Variants in DDX41 observed in about 807,000 individuals in gnomAD.
DDX41 encodes the protein probable ATP-dependent RNA helicase DDX41.
In DDX41, 50 loss-of-function variants were observed where a neutral mutation model predicts 78.8. That is an observed-to-expected ratio of 0.63 (90% CI 0.51 to 0.80). DDX41 has a LOEUF of 0.80. Ranked by LOEUF, DDX41 falls within the 30% of genes least tolerant of loss-of-function variation. The pLI is 0.00. For missense variants in DDX41, 633 were observed against 849.2 expected (o/e 0.75, Z 3.16); for synonymous variants, 381 against 321.5 (o/e 1.19, Z -1.98).
chr5:177,514,301 A>G lies in DDX41; in HGVS notation c.935+400T>C, dbSNP rs1423838566. The G allele has an allele frequency of 2.1e-5, 10 of 484,008 alleles. No homozygotes were observed. Among genetic ancestry groups the G allele is most frequent in the Admixed American group, 1.9e-4 (8 of 41,344 alleles). The allele number at this position is 484,008 out of a possible 1,614,324, so 30.0% of individuals were successfully genotyped here. A position where few individuals can be genotyped will look rare whatever the true frequency, so the allele number is the denominator to read the frequency against. On this transcript the variant is annotated intron_variant, in intron 9 of 16. Coordinates refer to ENST00000330503, the MANE Select transcript of DDX41 (RefSeq NM_016222.4). The surrounding 1 kb of genome is among the most constrained non-coding windows in gnomAD (Gnocchi z 4.2). Reference sequence around the variant, plus strand: ...GGACTGCACAGCACTGAAAGGACACAGGTGCCGCTGGGATCCAGCCCTACC... The same window carrying G: ...GGACTGCACAGCACTGAAAGGACACGGGTGCCGCTGGGATCCAGCCCTACC...
chr5:177,515,686 TGCA>T lies in DDX41; in HGVS notation c.567_569del (p.Ala191del). On this transcript the variant is annotated inframe_deletion and splice_region_variant, in exon 6 of 17. Coordinates refer to ENST00000330503, the MANE Select transcript of DDX41 (RefSeq NM_016222.4). ...TATCTCTCTCCAGCCCCTGACTACC[TGCA>T]GGAAACTTCATTTCCTTGAAGCTCT... 1.2e-6 allele frequency: 2 copies of T among 1,614,002 alleles called. No individual in the cohort carries two copies. Among genetic ancestry groups the T allele is most frequent in the Middle Eastern group, 1.7e-4 (1 of 6,060 alleles).
At position 177,513,732 on chromosome 5, in the gene DDX41, C is replaced by T. The variant is rs1246615905; in HGVS notation, c.1051G>A (p.Asp351Asn). The change falls in exon 10 of 17, where the codon GAC (aspartate) becomes AAC (asparagine). Residue 351 changes from aspartate to asparagine, a missense_variant. Coordinates refer to ENST00000330503, the MANE Select transcript of DDX41 (RefSeq NM_016222.4). This position sits in a 1 kb window ranked among gnomAD's most constrained non-coding sequence, Gnocchi z 4.6. ...CGGATGTCACCCTCGAAGCCCATGT[C>T]GATCATGCGGTCAGCCTCGTCCAGG... is the stretch of plus-strand genomic sequence containing the variant. ...LALDEADRMI[D>N]MGFEGDIRTI... 3.1e-6 allele frequency: 5 copies of T among 1,613,686 alleles called. No homozygotes were observed. The highest frequency in any genetic ancestry group is 1.3e-5 in the African/African-American group (1 of 74,900).
chr5:177,516,536 T>C, intron 2 of DDX41, 89 bp from the exon 3 acceptor site: 2 of 1,538,020 alleles, frequency 1.3e-6, no homozygotes, highest in Non-Finnish European at 8.9e-7. Flanking sequence ...GAGGATCCTG[T>C]GCCCGAGGCG....
rs138435584 is a variant in DDX41, at chr5:177,516,940, C to A, written c.6G>T (p.Glu2Asp). MEESEPERKRAR... is the reference protein window; with the variant it reads MDESEPERKRAR... ...CTACCTTCCGTTCGGGTTCCGACTC[C>A]TCCATTCTTTGCTGCACGCATGCGC... Residue 2 changes from glutamate to aspartate, a missense_variant, in exon 1 of 17, where the codon GAG becomes GAT. Glu to Asp is a conservative substitution (Grantham distance 45). Around this residue, in one of 6 missense-constraint regions of DDX41, gnomAD observed 140 missense variants for 115.2 expected, o/e 1.22. Coordinates refer to ENST00000330503, the MANE Select transcript of DDX41 (RefSeq NM_016222.4). 4.4e-5 allele frequency: 71 copies of A among 1,612,758 alleles called. No individual in the cohort carries two copies. The African/African-American group carries it at 8.8e-4, about 20-fold the overall frequency.
intron 2 of DDX41, 126 bp downstream of exon 2, chr5:177,516,599 G>T: frequency 7.3e-7 from 1 of 1,371,824 alleles, no homozygotes; most frequent in Non-Finnish European, 1.0e-6. Context: ...TTGTCTGGGG[G>T]CCGCGCCCTG....
At chr5:177,512,289 G>T (rs773525667) in intron 15 of DDX41, 33 bp downstream of exon 15, 2 of 1,613,950 alleles carry the variant, frequency 1.2e-6, no homozygotes, top group African/African-American at 1.3e-5. Context: ...GGGACCCAGG[G>T]AACAGCTAAG....
chr5:177,516,781 C>T lies in DDX41; in HGVS notation c.82G>A (p.Glu28Lys), dbSNP rs1433636328. ...TAGGGCACGTAGTCCTCGTCGTCCT[C>T]ATCTTCCGCCTCGGAGCGGCTTCCT... is the stretch of plus-strand genomic sequence containing the variant. ...AGGSRSEAED[E>K]DDEDYVPYVP... The change falls in exon 2 of 17, where the codon GAG becomes AAG. Residue 28 changes from glutamate (E) to lysine (K), a missense_variant. Physicochemically the swap from Glu to Lys is moderately conservative, Grantham distance 56. Transcript: ENST00000330503. The T allele has an allele frequency of 1.9e-6, 3 of 1,612,596 alleles. No homozygotes were observed. Among genetic ancestry groups the T allele is most frequent in the Non-Finnish European group, 2.5e-6 (3 of 1,179,752 alleles).
At chr5:177,516,053 T>C in intron 4 of DDX41, 64 bp from the exon 5 acceptor site, 4 of 1,613,956 alleles carry the variant, frequency 2.5e-6, no homozygotes, top group East Asian at 2.2e-5. Flanking sequence ...CCTTGAGATA[T>C]AACATGCCTG....
Position 177,515,033 on chromosome 5 carries a change from C to A in DDX41, c.681G>T (p.Thr227=), listed in dbSNP as rs765996540. 2.5e-6 allele frequency: 4 copies of A among 1,613,418 alleles called. No individual in the cohort carries two copies. Among genetic ancestry groups the A allele is most frequent in the Middle Eastern group, 1.6e-4 (1 of 6,062 alleles). The change falls in exon 8 of 17, where the codon ACG becomes ACT. Residue 227 remains threonine, a synonymous_variant. Coordinates refer to ENST00000330503, the MANE Select transcript of DDX41 (RefSeq NM_016222.4). ...SGRDMIGIAF[T]GSGKTLVFTL... ...TGAACACCAGTGTCTTGCCTGAACCCGTGAAAGCGATGCCTATCATGTCAC... is the reference window on the plus strand; with the variant it reads ...TGAACACCAGTGTCTTGCCTGAACCAGTGAAAGCGATGCCTATCATGTCAC...
Position 177,513,599 on chromosome 5 carries a change from G to A in DDX41, c.1098+86C>T. On this transcript the variant is annotated intron_variant, in intron 10 of 16. Transcript: ENST00000330503. This position sits in a 1 kb window ranked among gnomAD's most constrained non-coding sequence, Gnocchi z 4.6. Reference sequence around the variant, plus strand: ...CACAAAGTATGAGCAGTGGGTTGGGGTGGCCAGGGGCATGGGGTCCCTGCA... The same window carrying A: ...CACAAAGTATGAGCAGTGGGTTGGGATGGCCAGGGGCATGGGGTCCCTGCA... The A allele has an allele frequency of 3.7e-6, 6 of 1,603,634 alleles. No homozygotes were observed. Among genetic ancestry groups the A allele is most frequent in the Non-Finnish European group, 5.1e-6 (6 of 1,172,670 alleles).
In DDX41 at chr5:177,515,688, C is replaced by A. The variant is rs764270729; in HGVS notation, c.568G>T (p.Ala190Ser). The stretch of plus-strand genomic sequence containing the variant: ...TCTCTCTCCAGCCCCTGACTACCTG[C>A]AGGAAACTTCATTTCCTTGAAGCTC... ...IKSFKEMKFP[A>S]AILRGLKKKG... The change falls in exon 6 of 17, where the codon GCA becomes TCA. Residue 190 changes from alanine to serine, a missense_variant. Transcript: ENST00000330503. 6.2e-7 allele frequency: 1 copy of A among 1,613,880 alleles called. No homozygotes were observed. The highest frequency in any genetic ancestry group is 1.7e-5 in the Admixed American group (1 of 59,994).
Position 177,512,226 on chromosome 5 carries a change from G to T in DDX41, c.1622-20C>A. 1 of 1,613,744 alleles carries T rather than the reference G, an allele frequency of 6.2e-7. No individual in the cohort carries two copies. ...ACTCATCTGGGGGAGGAGTGGGGAA[G>T]CATCAGGGCCCATCCTGGGCTCTGT... On this transcript the variant is annotated intron_variant, in intron 15 of 16. Coordinates refer to ENST00000330503, the MANE Select transcript of DDX41 (RefSeq NM_016222.4).
chr5:177,513,869 TGAGGTTGGGGCCACTGGC>T lies in DDX41; in HGVS notation c.936-40_936-23del. 1 of 1,612,346 alleles carries T rather than the reference TGAGGTTGGGGCCACTGGC, an allele frequency of 6.2e-7. No homozygotes were observed. Among genetic ancestry groups the T allele is most frequent in the Non-Finnish European group, 8.5e-7 (1 of 1,179,212 alleles). On this transcript the variant is annotated intron_variant, in intron 9 of 16. Transcript: ENST00000330503. The surrounding 1 kb of genome is among the most constrained non-coding windows in gnomAD (Gnocchi z 4.6). ...ACCGCTGGGGACCAAGGAGAGACCC[TGAGGTTGGGGCCACTGGC>T]CTATCACCTATCTAGAGGCAAGCAG...
rs568529224 is a variant in DDX41 at position 177,514,191 on chromosome 5, A to G, written c.936-344T>C. ...TGCTCACCATCTCCCTAATACTCAG[A>G]AGTCCGTGGAGGAAGGCCTCCGGGA... is the stretch of plus-strand genomic sequence containing the variant. On this transcript the variant is annotated intron_variant, in intron 9 of 16. Transcript: ENST00000330503. This position sits in a 1 kb window ranked among gnomAD's most constrained non-coding sequence, Gnocchi z 4.2. 18 of 511,212 alleles carry G rather than the reference A, an allele frequency of 3.5e-5. No homozygotes were observed. Among genetic ancestry groups the G allele is most frequent in the African/African-American group, 3.3e-4 (17 of 52,306 alleles). 31.7% of individuals were successfully genotyped at this position (511,212 alleles called of 1,614,324 possible). A position where few individuals can be genotyped will look rare whatever the true frequency, so the allele number is the denominator to read the frequency against.
rs756668931 is a variant in DDX41, at chr5:177,516,922, C to G, written c.24G>C (p.Arg8=). The G allele has an allele frequency of 6.2e-7, 1 of 1,613,274 alleles. No individual in the cohort carries two copies. The highest frequency in any genetic ancestry group is 8.5e-7 in the Non-Finnish European group (1 of 1,179,978). MEESEPE[R]KRARTDEVPA... ...CGGGGTCTCGCCTCTCTCCTACCTT[C>G]CGTTCGGGTTCCGACTCCTCCATTC... The change falls in exon 1 of 17, where the codon CGG becomes CGC. Residue 8 remains arginine, a synonymous_variant. Coordinates refer to ENST00000330503, the MANE Select transcript of DDX41 (RefSeq NM_016222.4).
At position 177,515,872 on chromosome 5, in the gene DDX41, G is replaced by C. The variant is rs372242790; in HGVS notation, c.435-51C>G. On this transcript the variant is annotated intron_variant, in intron 5 of 16. Transcript: ENST00000330503. The stretch of plus-strand genomic sequence containing the variant: ...AGAGCCCTGGGAATAGCTGGCCTGG[G>C]AGCATCCCTGCATGTACCATCCTAA... 42 of 1,614,136 alleles carry C rather than the reference G, an allele frequency of 2.6e-5. No homozygotes were observed. The African/African-American group carries it at 5.3e-4, about 20-fold the overall frequency.
Position 177,515,062 on chromosome 5 carries a change from C to A in DDX41, c.652G>T (p.Gly218Cys), listed in dbSNP as rs765680048. The change falls in exon 8 of 17, where the codon GGC becomes TGC. Residue 218 changes from glycine to cysteine, a missense_variant. By Grantham distance (159) the Gly-to-Cys change is radical. This residue lies in a region of DDX41 where 126 missense variants were observed against 115.5 expected (regional missense o/e 1.09). Transcript: ENST00000330503. ...AAAGCGATGCCTATCATGTCACGGC[C>A]AGATAGACTGTTGGGAGAGGATGAC... ...QIQGIPTILS[G>C]RDMIGIAFTG... 1 of 1,612,686 alleles carries A rather than the reference C, an allele frequency of 6.2e-7. No individual in the cohort carries two copies. Among genetic ancestry groups the A allele is most frequent in the Non-Finnish European group, 8.5e-7 (1 of 1,178,876 alleles).
In DDX41 at chr5:177,515,716, G is replaced by A. The variant is rs1464686889; in HGVS notation, c.540C>T (p.Ile180=). ...GAAACTTCATTTCCTTGAAGCTCTT[G>A]ATGGGTGGTGGGATACCGTCTCCCT... ...LVEGDGIPPP[I]KSFKEMKFPA... The change falls in exon 6 of 17, where the codon ATC becomes ATT. Residue 180 remains isoleucine (I), a synonymous_variant. Transcript: ENST00000330503. 1 of 1,613,988 alleles carries A rather than the reference G, an allele frequency of 6.2e-7. No individual in the cohort carries two copies. The highest frequency in any genetic ancestry group is 1.3e-5 in the African/African-American group (1 of 74,924).
chr5:177,513,186 G>A lies in DDX41; in HGVS notation c.1231-104C>T, dbSNP rs1761059606. The A allele has an allele frequency of 2.6e-6, 4 of 1,517,582 alleles. No individual in the cohort carries two copies. The highest frequency in any genetic ancestry group is 3.6e-6 in the Non-Finnish European group (4 of 1,114,524). 94.0% of individuals were successfully genotyped at this position (1,517,582 alleles called of 1,614,324 possible). On this transcript the variant is annotated intron_variant, in intron 11 of 16. Transcript: ENST00000330503. This position sits in a 1 kb window ranked among gnomAD's most constrained non-coding sequence, Gnocchi z 4.6. ...ACCAGGAGGTGACCAGAAGCCTCTG[G>A]CCGCCAAGGGCTGGTGCCCTAAAAA...
Sources: gnomAD v4.1 joint callset for allele counts on GRCh38, gnomAD v4.1.1 for gene constraint, gnomAD v4.1.1 regional missense constraint, Gnocchi (gnomAD v3.1) non-coding constraint, MANE v1.5 for transcripts, NCBI Gene and HGNC (gene_info 2026-07-23, HGNC 2026-07-21) for gene names.